TRPM3: variants seen among roughly 807,000 people sequenced by gnomAD.
TRPM3 encodes transient receptor potential cation channel subfamily M member 3.
In TRPM3, 77 loss-of-function variants were observed where a neutral mutation model predicts 181.2. That is an observed-to-expected ratio of 0.42 (90% confidence interval 0.35 to 0.51). TRPM3 has a LOEUF of 0.51. Among genes scored for constraint, TRPM3 ranks in the 20% least tolerant of loss-of-function variants. The pLI is 0.01. For synonymous variants in TRPM3, 745 were observed against 796.4 expected, an observed-to-expected ratio of 0.94 and a Z score of 1.09; for missense variants, 1,759 against 2,196.7, an observed-to-expected ratio of 0.80 and a Z score of 3.98.
At chr9:71,183,054 T>C (rs1328913787) in intron 1 of TRPM3, among the ~76,000 whole-genome samples, 1 of 152,120 alleles carries the variant, frequency 6.6e-6, no homozygotes, top group Non-Finnish European at 1.5e-5. Context: ...TATTAAGTAA[T>C]TTGGTGGTAT....
chr9:70,683,862 C>T (rs904644645), intron 8 of TRPM3, among the ~76,000 whole-genome samples: 6 of 152,162 alleles, frequency 3.9e-5, no homozygotes, highest in Admixed American at 6.5e-5. Context: ...TTGGGGTCCA[C>T]TGGAGAAAGA....
chr9:71,290,839 A>C (rs1402361002), intron 1 of TRPM3, among the ~76,000 whole-genome samples: 3 of 152,126 alleles, frequency 2.0e-5, no homozygotes, highest in Non-Finnish European at 4.4e-5. Context: ...AGGACCTAAA[A>C]GAATGACATA....
intron 1 of TRPM3, among the ~76,000 whole-genome samples, chr9:71,225,352 C>T (rs1014551447): frequency 5.9e-5 from 9 of 151,820 alleles, no homozygotes; most frequent in Non-Finnish European, 1.3e-4. Flanking sequence ...AAAAAAAGAA[C>T]TTTTACCCTA....
chr9:71,431,639 G>A (rs2093955038), intron 1 of TRPM3, among the ~76,000 whole-genome samples: 2 of 152,056 alleles, frequency 1.3e-5, no homozygotes, highest in African/African-American at 4.8e-5. Flanking sequence ...AAAAATTAAA[G>A]GGTAGTTATA....
intron 1 of TRPM3, among the ~76,000 whole-genome samples, chr9:71,267,876 G>T (rs1288399134): frequency 6.6e-6 from 1 of 151,966 alleles, no homozygotes; most frequent in African/African-American, 2.4e-5. Flanking sequence ...GATCTTCCTG[G>T]CTACTGTTAC....
chr9:71,040,732 G>T (rs954373173), intron 1 of TRPM3, among the ~76,000 whole-genome samples: 9 of 152,132 alleles, frequency 5.9e-5, no homozygotes, highest in Non-Finnish European at 1.2e-4. Context: ...ACTGACATCA[G>T]CAGGAATGAG....
chr9:70,856,581 T>TC (rs1172081212), intron 3 of TRPM3, among the ~76,000 whole-genome samples: 1 of 152,094 alleles, frequency 6.6e-6, no homozygotes, highest in Non-Finnish European at 1.5e-5. Flanking sequence ...GCTGACAGCC[T>TC]CCCCCTGCCT....
At chr9:71,096,590 A>ACACACACACACTCTCTCTCT (rs1452142664) in intron 1 of TRPM3, among the ~76,000 whole-genome samples, 1 of 90,042 alleles carries the variant, frequency 1.1e-5, no homozygotes, top group African/African-American at 5.1e-5. Context: ...ACACACACAC[A>ACACACACACACTCTCTCTCT]CTCTCTCTCT....
At chr9:70,997,447 G>A (rs572559119) in intron 1 of TRPM3, among the ~76,000 whole-genome samples, 25 of 152,132 alleles carry the variant, frequency 1.6e-4, no homozygotes, top group African/African-American at 5.3e-4. Flanking sequence ...TGCCTGCCTC[G>A]CCCTCCCAAA....
At chr9:70,798,593 C>A (rs2087898329) in intron 6 of TRPM3, among the ~76,000 whole-genome samples, 1 of 152,200 alleles carries the variant, frequency 6.6e-6, no homozygotes, top group African/African-American at 2.4e-5. Flanking sequence ...CTCCCCAGCC[C>A]TCTCAGATAA....
intron 1 of TRPM3, among the ~76,000 whole-genome samples, chr9:71,226,294 C>T (rs552059074): frequency 6.6e-6 from 1 of 151,652 alleles, no homozygotes; most frequent in African/African-American, 2.4e-5. Context: ...ACAAAGCTAC[C>T]TGAAAACAAA....
intron 1 of TRPM3, among the ~76,000 whole-genome samples, chr9:71,166,357 GCTCTT>G (rs1268059334): frequency 6.6e-5 from 10 of 152,092 alleles, no homozygotes; most frequent in African/African-American, 2.4e-4. Flanking sequence ...TATCTAGCAG[GCTCTT>G]CTTCCACGAC....
chr9:71,257,262 T>C (rs928174566), intron 1 of TRPM3, among the ~76,000 whole-genome samples: 22 of 151,972 alleles, frequency 1.4e-4, no homozygotes, highest in African/African-American at 5.3e-4. Flanking sequence ...GGCTCTTAGA[T>C]AAAGGATAGG....
chr9:71,035,945 C>T (rs867793958), intron 1 of TRPM3, among the ~76,000 whole-genome samples: 3 of 143,058 alleles, frequency 2.1e-5, no homozygotes, highest in Non-Finnish European at 3.0e-5. Flanking sequence ...ATTTACTGTA[C>T]ACCATATGAA....
intron 1 of TRPM3, among the ~76,000 whole-genome samples, chr9:71,265,431 AC>A (rs2083322706): frequency 6.6e-6 from 1 of 152,118 alleles, no homozygotes. Context: ...GTTTTTAAAA[AC>A]CTTCTTTGAA....
chr9:71,099,602 G>C (rs918407556), intron 1 of TRPM3, among the ~76,000 whole-genome samples: 1 of 152,046 alleles, frequency 6.6e-6, no homozygotes, highest in Non-Finnish European at 1.5e-5. Context: ...TTTACCTTTA[G>C]ATGGGTTCCC....
rs911184196 is a variant in TRPM3, at chr9:71,061,942, C to A, written c.177+59236G>T. ...GACCCCTGACATAGATCCTGTGACC[C>A]CAATGACCTAAAAGCCCATAGTGAC... On this transcript the variant is annotated intron_variant, in intron 1 of 25. Coordinates refer to ENST00000677713, the MANE Select transcript of TRPM3 (RefSeq NM_001366145.2). Among the ~76,000 whole-genome samples the A allele has an allele frequency of 3.3e-5, 5 of 151,866 alleles. No individual in the cohort carries two copies. The South Asian group carries it at 6.2e-4, about 19-fold the overall frequency.
At chr9:70,589,362 C>T (rs1341450310) in intron 22 of TRPM3, among the ~76,000 whole-genome samples, 2 of 152,148 alleles carry the variant, frequency 1.3e-5, no homozygotes, top group East Asian at 3.8e-4. Context: ...TAAAACACAC[C>T]TACACCTCCC....
intron 9 of TRPM3, among the ~76,000 whole-genome samples, chr9:70,661,798 G>A (rs921004019): frequency 6.6e-6 from 1 of 152,002 alleles, no homozygotes; most frequent in Non-Finnish European, 1.5e-5. Flanking sequence ...ATGGAAATAA[G>A]TTCCATGGCC....
Sources: gnomAD v4.1 joint callset for allele counts (sites outside exome capture counted in the v4.1 genomes callset) on GRCh38, gnomAD v4.1.1 for gene constraint, MANE v1.5 for transcripts, NCBI Gene and HGNC (gene_info 2026-07-23, HGNC 2026-07-21) for gene names.